NEK1: variants seen among roughly 807,000 people sequenced by gnomAD.
NEK1 encodes the protein NIMA related kinase 1, also known as serine/threonine-protein kinase Nek1.
Under a neutral mutation model 182.1 loss-of-function variants are expected in NEK1, and 137 were observed. The ratio of observed to expected loss-of-function variants is 0.75; its 90% confidence interval spans 0.65 to 0.87. The LOEUF is 0.87. Among genes scored for constraint, NEK1 ranks in the 40% least tolerant of loss-of-function variants. The pLI is 0.00. For missense variants in NEK1, 1,391 were observed against 1,494.4 expected, an observed-to-expected ratio of 0.93 and a Z score of 1.14; for synonymous variants, 513 against 492.2, an observed-to-expected ratio of 1.04 and a Z score of -0.56.
At chr4:169,433,857 A>AG (rs1317946275) in intron 28 of NEK1, among the ~76,000 whole-genome samples, 192 bp from the exon 29 acceptor site, 1 of 152,218 alleles carries the variant, frequency 6.6e-6, no homozygotes, top group East Asian at 1.9e-4. Context: ...CTGAAACGAC[A>AG]GACTACTTCT....
At chr4:169,587,637 T>C in intron 8 of NEK1, 24 bp from the exon 9 acceptor site, 2 of 1,472,312 alleles carry the variant, frequency 1.4e-6, no homozygotes, top group Middle Eastern at 1.7e-4. Flanking sequence ...AAATGAGAAA[T>C]TTCCTCTAAG....
intron 27 of NEK1, among the ~76,000 whole-genome samples, chr4:169,441,221 T>C (rs1739390540): frequency 2.0e-5 from 3 of 152,202 alleles, no homozygotes; most frequent in Admixed American, 2.0e-4. Context: ...ACAGCAACCC[T>C]GCCTCCCCTA....
rs559124206 is a variant in NEK1 at position 169,499,988 on chromosome 4, GCCCC to G, written c.2007+7045_2007+7048del. Among the ~76,000 whole-genome samples, 12 of 152,344 alleles carry G rather than the reference GCCCC, an allele frequency of 7.9e-5. 1 individual carries two copies. Among genetic ancestry groups the G allele is most frequent in the African/African-American group, 2.9e-4 (12 of 41,570 alleles). ...GCTGCCTTTTGTTTGGCTATGCCCT[GCCCC>G]CAGAGGTGGAGTCTACAGAGGCAGG... On this transcript the variant is annotated intron_variant, in intron 23 of 35. Transcript: ENST00000507142.
chr4:169,426,708 A>C (rs758508942), intron 29 of NEK1, among the ~76,000 whole-genome samples: 1 of 152,250 alleles, frequency 6.6e-6, no homozygotes, highest in Non-Finnish European at 1.5e-5. Flanking sequence ...CAATATATTA[A>C]TACCATGGAA....
chr4:169,570,417 G>GCC (rs1299471901), intron 12 of NEK1, among the ~76,000 whole-genome samples: 1 of 151,030 alleles, frequency 6.6e-6, no homozygotes, highest in African/African-American at 2.4e-5. Context: ...TGGGGGGTCA[G>GCC]CCCCCCACCA....
intron 23 of NEK1, among the ~76,000 whole-genome samples, chr4:169,484,414 T>C (rs1748679205): frequency 6.6e-6 from 1 of 152,188 alleles, no homozygotes; most frequent in African/African-American, 2.4e-5. Context: ...TGACAAAAAT[T>C]ATCAATAAAT....
At chr4:169,604,614 T>C (rs1367869426) in intron 2 of NEK1, among the ~76,000 whole-genome samples, 2 of 152,236 alleles carry the variant, frequency 1.3e-5, no homozygotes, top group Non-Finnish European at 2.9e-5. Context: ...AAAAAATCCA[T>C]GTTCTTATCT....
intron 19 of NEK1, among the ~76,000 whole-genome samples, chr4:169,509,060 A>T (rs1188659910): frequency 6.6e-6 from 1 of 152,172 alleles, no homozygotes; most frequent in African/African-American, 2.4e-5. Context: ...AGCCCCAAAC[A>T]TAATTATTCA....
chr4:169,573,081 T>C lies in NEK1; in HGVS notation c.1020+3847A>G, dbSNP rs1440036716. ...ATTCAGTAGAGAGAAAAAACTATAA[T>C]GATGCAGGAGAGAGCGCAAAGTCCT... is the stretch of plus-strand genomic sequence containing the variant. On this transcript the variant is annotated intron_variant, in intron 12 of 35. Coordinates refer to ENST00000507142, the MANE Select transcript of NEK1 (RefSeq NM_001199397.3). Among the ~76,000 whole-genome samples, 3 of 152,326 alleles carry C rather than the reference T, an allele frequency of 2.0e-5. No homozygotes were observed. In the South Asian group the frequency reaches 6.2e-4, roughly 32 times the overall value.
At chr4:169,451,528 G>C (rs548118611) in intron 27 of NEK1, among the ~76,000 whole-genome samples, 1 of 152,290 alleles carries the variant, frequency 6.6e-6, no homozygotes, top group South Asian at 2.1e-4. Flanking sequence ...ACTTGCTCCT[G>C]AATGACTACT....
chr4:169,514,574 G>A (rs764439601), intron 19 of NEK1, among the ~76,000 whole-genome samples: 2 of 152,176 alleles, frequency 1.3e-5, no homozygotes, highest in Non-Finnish European at 2.9e-5. Flanking sequence ...TAAGATATCT[G>A]TTTCAACTTG....
chr4:169,555,627 G>C (rs1205492064), intron 18 of NEK1, 93 bp downstream of exon 18: 7 of 1,521,102 alleles, frequency 4.6e-6, no homozygotes, highest in Non-Finnish European at 6.4e-6. Flanking sequence ...GTGAACAATG[G>C]AGAAAACATC....
chr4:169,449,647 A>G (rs1008342696), intron 27 of NEK1, among the ~76,000 whole-genome samples: 2 of 152,208 alleles, frequency 1.3e-5, no homozygotes, highest in East Asian at 3.8e-4. Flanking sequence ...CAAAAAGGTA[A>G]TCTACACCAA....
rs544680457 is a variant in NEK1, at chr4:169,547,185, C to T, written c.1562+8535G>A. 2.6e-5 allele frequency among the ~76,000 whole-genome samples: 4 copies of T among 152,232 alleles called. No individual in the cohort carries two copies. The South Asian group carries it at 8.3e-4, about 32-fold the overall frequency. Reference sequence around the variant, plus strand: ...GCAAGCCTGGTGGAGACAAGATCTCCCAGCATTTTCTTTTCTGTAAGAATT... The same window carrying T: ...GCAAGCCTGGTGGAGACAAGATCTCTCAGCATTTTCTTTTCTGTAAGAATT... On this transcript the variant is annotated intron_variant, in intron 18 of 35. Coordinates refer to ENST00000507142, the MANE Select transcript of NEK1 (RefSeq NM_001199397.3).
intron 31 of NEK1, 90 bp downstream of exon 31, chr4:169,424,463 G>T: frequency 7.1e-7 from 1 of 1,400,056 alleles, no homozygotes; most frequent in Non-Finnish European, 9.4e-7. Flanking sequence ...TGTGTTAAGA[G>T]ATTAAAACTC....
At chr4:169,602,237 A>C in intron 3 of NEK1, 133 bp from the exon 4 acceptor site, 1 of 681,652 alleles carries the variant, frequency 1.5e-6, no homozygotes. Flanking sequence ...AGAAGTTAAA[A>C]AGAATGAGTT....
intron 31 of NEK1, among the ~76,000 whole-genome samples, chr4:169,407,492 A>G (rs1185257936): frequency 2.0e-5 from 3 of 152,240 alleles, no homozygotes; most frequent in Non-Finnish European, 2.9e-5. Context: ...AATGCTGAGC[A>G]TAATTTGCAG....
At chr4:169,578,457 A>C (rs1037552799) in intron 11 of NEK1, among the ~76,000 whole-genome samples, 1 of 152,160 alleles carries the variant, frequency 6.6e-6, no homozygotes, top group Non-Finnish European at 1.5e-5. Flanking sequence ...ACTTTTTAGG[A>C]GGGGAAAGGA....
At chr4:169,542,987 T>C (rs544978785) in intron 18 of NEK1, among the ~76,000 whole-genome samples, 2 of 152,306 alleles carry the variant, frequency 1.3e-5, no homozygotes, top group South Asian at 4.1e-4. Context: ...AGCTCTTTAG[T>C]TTAATTAGAT....
Sources: gnomAD v4.1 joint callset for allele counts (sites outside exome capture counted in the v4.1 genomes callset) on GRCh38, gnomAD v4.1.1 for gene constraint, MANE v1.5 for transcripts, NCBI Gene and HGNC (gene_info 2026-07-23, HGNC 2026-07-21) for gene names.